Variants in USP45 observed in about 807,000 individuals in gnomAD.
The protein encoded by USP45 is ubiquitin carboxyl-terminal hydrolase 45.
Under a neutral mutation model 95.8 loss-of-function variants are expected in USP45, and 89 were observed. The ratio of observed to expected loss-of-function variants is 0.93; its 90% CI spans 0.78 to 1.11. The LOEUF (loss-of-function observed/expected upper bound fraction) is 1.11, where lower values mean the gene tolerates loss of function less well. Ranked by LOEUF, USP45 falls within the 50% of genes least tolerant of loss-of-function variation. USP45 has a pLI of 0.00. For missense variants in USP45, 898 were observed against 942.5 expected (o/e 0.95, Z 0.62); for synonymous variants, 281 against 316.2 (o/e 0.89, Z 1.18).
At chr6:99,479,601 CAAAAA>C (rs34635892) in intron 8 of USP45, among the ~76,000 whole-genome samples, 26 of 117,050 alleles carry the variant, frequency 2.2e-4, no homozygotes, top group Non-Finnish European at 3.4e-4. Flanking sequence ...TTCCAACAGA[CAAAAA>C]AAAAAAAAAA....
rs1780196299 is a variant in USP45 at position 99,434,740 on chromosome 6, TAAG to T, written c.*973_*975del. ...GTAGAAAAAGTATATATTTTTCTGT[TAAG>T]AATATAATTCTCTATCATTTACAAA... is the stretch of plus-strand genomic sequence containing the variant. On this transcript the variant is annotated 3_prime_UTR_variant, in exon 18 of 18. Transcript: ENST00000500704. 6.6e-6 allele frequency: 1 copy of T among 152,226 alleles called. No homozygotes were observed. The highest frequency in any genetic ancestry group is 2.1e-4 in the South Asian group (1 of 4,838). The allele number at this position is 152,226 out of a possible 1,614,324, so 9.4% of individuals were successfully genotyped here.
At chr6:99,449,024 A>C (rs1783203616) in intron 13 of USP45, among the ~76,000 whole-genome samples, 1 of 152,214 alleles carries the variant, frequency 6.6e-6, no homozygotes, top group Non-Finnish European at 1.5e-5. Flanking sequence ...TGAAGGAAGC[A>C]CTAAACATGG....
chr6:99,508,553 T>C (rs1289536028), intron 3 of USP45, 57 bp downstream of exon 3: 1 of 1,522,442 alleles, frequency 6.6e-7, no homozygotes, highest in Non-Finnish European at 8.9e-7. Context: ...CAACTCACAA[T>C]AAGCATTTAA....
intron 5 of USP45, among the ~76,000 whole-genome samples, chr6:99,496,252 G>A (rs1449309573): frequency 3.9e-5 from 6 of 152,006 alleles, no homozygotes. Context: ...CCAAAGTGCT[G>A]GGATTACAGG....
chr6:99,439,676 T>A, intron 16 of USP45, 93 bp downstream of exon 16: 1 of 888,372 alleles, frequency 1.1e-6, no homozygotes. Context: ...AGAAGAGAAG[T>A]TATTTTTTTA....
chr6:99,448,783 C>A (rs1783131640), intron 13 of USP45, among the ~76,000 whole-genome samples: 1 of 152,154 alleles, frequency 6.6e-6, no homozygotes, highest in Admixed American at 6.6e-5. Flanking sequence ...AGAGAAAGGT[C>A]AGGTTACCCG....
chr6:99,450,491 T>C (rs916219591), intron 13 of USP45, among the ~76,000 whole-genome samples: 1 of 152,138 alleles, frequency 6.6e-6, no homozygotes, highest in Admixed American at 6.5e-5. Flanking sequence ...CAGGAAGAAC[T>C]TGAATCCCTG....
At chr6:99,451,344 T>C (rs1783799129) in intron 13 of USP45, among the ~76,000 whole-genome samples, 1 of 152,166 alleles carries the variant, frequency 6.6e-6, no homozygotes, top group African/African-American at 2.4e-5. Context: ...AGTCTCAGGA[T>C]ACAAAATCAA....
chr6:99,505,625 A>C (rs368325908), intron 4 of USP45, among the ~76,000 whole-genome samples: 3 of 131,620 alleles, frequency 2.3e-5, no homozygotes, highest in African/African-American at 2.9e-5. Context: ...TGGGTGACAG[A>C]GTGAGATTCC....
At chr6:99,473,831 G>T (rs962704978) in intron 9 of USP45, among the ~76,000 whole-genome samples, 2 of 111,716 alleles carry the variant, frequency 1.8e-5, no homozygotes, top group African/African-American at 7.0e-5. Context: ...TATGTGCAAG[G>T]CACACAGGAC....
rs1463066356 is a variant in USP45 at position 99,488,727 on chromosome 6, CCT to C, written c.570_571del (p.Gly191AsnfsTer11). The C allele has an allele frequency of 1.2e-6, 2 of 1,605,698 alleles. No homozygotes were observed. The highest frequency in any genetic ancestry group is 1.7e-6 in the Non-Finnish European group (2 of 1,176,778). ...GCAAGTATTTCCTAAATTTGTAATT[CCT>C]CTTACAGATAAATTTCTGCATTTTC... On this transcript the variant is annotated frameshift_variant, in exon 6 of 18. Coordinates refer to ENST00000500704, the MANE Select transcript of USP45 (RefSeq NM_001346022.3). LOFTEE classifies it high-confidence loss of function.
intron 1 of USP45, among the ~76,000 whole-genome samples, chr6:99,512,570 G>A (rs547275974): frequency 6.6e-6 from 1 of 152,272 alleles, no homozygotes; most frequent in South Asian, 2.1e-4. Flanking sequence ...AAGCAACATC[G>A]CAATTTTCAT....
chr6:99,461,008 C>T (rs1786311669), intron 13 of USP45: 1 of 985,318 alleles, frequency 1.0e-6, no homozygotes, highest in South Asian at 4.7e-5. Flanking sequence ...TGGCAAAACG[C>T]TGCGCAGCTA....
Position 99,505,368 on chromosome 6 carries a change from A to C in USP45, c.378-1503T>G, listed in dbSNP as rs567587557. 6.6e-5 allele frequency among the ~76,000 whole-genome samples: 10 copies of C among 152,302 alleles called. No homozygotes were observed. The South Asian group carries it at 2.1e-3, about 32-fold the overall frequency. On this transcript the variant is annotated intron_variant, in intron 4 of 17. Coordinates refer to ENST00000500704, the MANE Select transcript of USP45 (RefSeq NM_001346022.3). ...TTGGAAAGTGTTCAAAGTGTTTTATAAATGTAATGCATTATGGCCGGGTGT... is the reference window on the plus strand; with the variant it reads ...TTGGAAAGTGTTCAAAGTGTTTTATCAATGTAATGCATTATGGCCGGGTGT...
At chr6:99,476,443 C>T (rs1056849827) in intron 8 of USP45, among the ~76,000 whole-genome samples, 1 of 152,120 alleles carries the variant, frequency 6.6e-6, no homozygotes, top group African/African-American at 2.4e-5. Flanking sequence ...CCGTTCTCTA[C>T]CAAAACACAC....
Position 99,482,871 on chromosome 6 carries a change from C to T in USP45, c.727G>A (p.Val243Met), listed in dbSNP as rs1562391520. The T allele has an allele frequency of 1.9e-6, 3 of 1,549,690 alleles. No homozygotes were observed. The highest frequency in any genetic ancestry group is 1.4e-5 in the African/African-American group (1 of 72,812). Residue 243 changes from valine (V) to methionine (M), a missense_variant, in exon 8 of 18, where the codon GTG (valine) becomes ATG (methionine). Physicochemically the swap from Val to Met is conservative, Grantham distance 21. Transcript: ENST00000500704. Reference sequence around the variant, plus strand: ...AGTGGTCCAGGCCTTGAAAGTTCCACCACCAATGGGTCCTTTAAAAACATG... The same window carrying T: ...AGTGGTCCAGGCCTTGAAAGTTCCATCACCAATGGGTCCTTTAAAAACATG... ...SSDSQLDPLVVELSRPGPLTS... is the reference protein window; with the variant it reads ...SSDSQLDPLVMELSRPGPLTS...
chr6:99,499,835 A>G (rs1221458068), intron 5 of USP45, among the ~76,000 whole-genome samples: 1 of 152,196 alleles, frequency 6.6e-6, no homozygotes, highest in Non-Finnish European at 1.5e-5. Flanking sequence ...AGTTCCTACA[A>G]CTGAACATTA....
intron 13 of USP45, chr6:99,460,968 A>C: frequency 1.0e-6 from 1 of 985,340 alleles, no homozygotes; most frequent in Non-Finnish European, 1.2e-6. Flanking sequence ...TTATAATTGA[A>C]TTTAAGAGCC....
Position 99,443,049 on chromosome 6 carries a change from T to G in USP45, c.2073+516A>C, listed in dbSNP as rs544166874. 9.9e-5 allele frequency among the ~76,000 whole-genome samples: 15 copies of G among 152,220 alleles called. No individual in the cohort carries two copies. In the South Asian group the frequency reaches 2.1e-3, roughly 21 times the overall value. On this transcript the variant is annotated intron_variant, in intron 15 of 17. Coordinates refer to ENST00000500704, the MANE Select transcript of USP45 (RefSeq NM_001346022.3). Reference sequence around the variant, plus strand: ...CCTGGCCAACATGGTGAAATCCTATTTCTACTAAAAATACAAATATTAGCC... The same window carrying G: ...CCTGGCCAACATGGTGAAATCCTATGTCTACTAAAAATACAAATATTAGCC...
Sources: allele counts gnomAD v4.1 joint callset (sites outside exome capture counted in the v4.1 genomes callset), GRCh38; gene constraint gnomAD v4.1.1; transcripts MANE v1.5; gene names NCBI Gene and HGNC (gene_info 2026-07-23, HGNC 2026-07-21).